MAGI1: variants seen among roughly 807,000 people sequenced by gnomAD.
MAGI1 encodes the protein membrane-associated guanylate kinase, WW and PDZ domain-containing protein 1.
A neutral mutation model predicts 139.9 loss-of-function variants in MAGI1; 58 were observed. That is an observed-to-expected ratio of 0.41 (90% confidence interval 0.34 to 0.52). The LOEUF is 0.52. Among genes scored for constraint, MAGI1 ranks in the 20% least tolerant of loss-of-function variants. MAGI1 has a pLI of 0.12. For synonymous variants in MAGI1, 812 were observed against 737.9 expected, an observed-to-expected ratio of 1.10 and a Z score of -1.63; for missense variants, 1,874 against 1,901.6, an observed-to-expected ratio of 0.99 and a Z score of 0.27.
chr3:65,664,586 A>G (rs1298991191), intron 1 of MAGI1, among the ~76,000 whole-genome samples: 1 of 152,172 alleles, frequency 6.6e-6, no homozygotes, highest in East Asian at 1.9e-4. Context: ...AAAATAGTCA[A>G]TCTTCACTAT....
chr3:65,688,004 T>C (rs2088211925), intron 1 of MAGI1: 1 of 828,626 alleles, frequency 1.2e-6, no homozygotes, highest in Non-Finnish European at 2.1e-6. Flanking sequence ...GGGTTTCGTT[T>C]TCCTGGCTTT....
intron 1 of MAGI1, among the ~76,000 whole-genome samples, chr3:65,729,257 A>C (rs2033952322): frequency 6.6e-6 from 1 of 151,826 alleles, no homozygotes; most frequent in Non-Finnish European, 1.5e-5. Context: ...CTATTACATT[A>C]TGTAAGCATA....
At chr3:65,400,407 A>C (rs1944766427) in intron 13 of MAGI1, among the ~76,000 whole-genome samples, 1 of 152,164 alleles carries the variant, frequency 6.6e-6, no homozygotes, top group Non-Finnish European at 1.5e-5. Context: ...AGGTGGAAAG[A>C]ATTCAGCTGC....
intron 1 of MAGI1, among the ~76,000 whole-genome samples, chr3:65,695,641 A>T (rs1441332980): frequency 1.3e-5 from 2 of 152,216 alleles, no homozygotes; most frequent in East Asian, 3.8e-4. Context: ...TGGGGGATGA[A>T]TGAATCTACA....
intron 1 of MAGI1, among the ~76,000 whole-genome samples, chr3:65,944,336 G>A (rs2063458145): frequency 6.6e-6 from 1 of 152,016 alleles, no homozygotes; most frequent in Admixed American, 6.6e-5. Flanking sequence ...AACATAGCGA[G>A]ACTCTATCTC....
intron 12 of MAGI1, among the ~76,000 whole-genome samples, chr3:65,418,427 A>C (rs6780789): frequency 0.38 from 58,362 of 152,012 alleles, 12,826 homozygotes; most frequent in African/African-American, 0.61. Flanking sequence ...GAAAGCCTCA[A>C]ATAAATAGAA....
intron 1 of MAGI1, among the ~76,000 whole-genome samples, chr3:66,036,070 C>A (rs1395142438): frequency 6.6e-6 from 1 of 152,180 alleles, no homozygotes; most frequent in African/African-American, 2.4e-5. Context: ...CCAAAATGGT[C>A]CTGAACTGAG....
intron 22 of MAGI1, chr3:65,359,576 C>T (rs1408472483): frequency 1.0e-6 from 1 of 999,200 alleles, no homozygotes; most frequent in African/African-American, 1.7e-5. Context: ...ACAAAAATAG[C>T]CTCACAGAGA....
chr3:65,810,137 T>C (rs1340455708), intron 1 of MAGI1, among the ~76,000 whole-genome samples: 17 of 152,240 alleles, frequency 1.1e-4, no homozygotes, highest in Admixed American at 1.1e-3. Context: ...GCTATCAAAA[T>C]CTTTACCTAT....
chr3:66,019,617 A>G (rs559602407), intron 1 of MAGI1, among the ~76,000 whole-genome samples: 2 of 152,334 alleles, frequency 1.3e-5, no homozygotes, highest in Admixed American at 1.3e-4. Context: ...AGTTGTTGCA[A>G]AAATAATAAT....
At chr3:65,580,935 A>G (rs536852611) in intron 2 of MAGI1, among the ~76,000 whole-genome samples, 2 of 152,224 alleles carry the variant, frequency 1.3e-5, no homozygotes, top group African/African-American at 2.4e-5. Context: ...TTCCCCTTCA[A>G]ATGGGCTCCA....
chr3:65,979,221 C>T (rs2065440871), intron 1 of MAGI1, among the ~76,000 whole-genome samples: 1 of 151,766 alleles, frequency 6.6e-6, no homozygotes, highest in African/African-American at 2.4e-5. Flanking sequence ...ATAACCTCAG[C>T]CTACAAGCCC....
chr3:65,380,139 C>T (rs955979650), intron 16 of MAGI1, among the ~76,000 whole-genome samples: 21 of 152,222 alleles, frequency 1.4e-4, no homozygotes, highest in African/African-American at 4.8e-4. Flanking sequence ...TCAACATCGA[C>T]TCTGATCACA....
At chr3:65,487,214 G>A (rs1951691226) in intron 3 of MAGI1, among the ~76,000 whole-genome samples, 1 of 152,118 alleles carries the variant, frequency 6.6e-6, no homozygotes, top group Admixed American at 6.5e-5. Flanking sequence ...TGATTCCACA[G>A]ACATCCACTC....
At chr3:65,839,370 T>C (rs1209468986) in intron 1 of MAGI1, among the ~76,000 whole-genome samples, 1 of 152,132 alleles carries the variant, frequency 6.6e-6, no homozygotes, top group Non-Finnish European at 1.5e-5. Flanking sequence ...TATTATATTA[T>C]ACTTTATATC....
chr3:65,430,908 G>C (rs375437909), intron 10 of MAGI1, 27 bp from the exon 11 acceptor site: 1 of 1,602,390 alleles, frequency 6.2e-7, no homozygotes, highest in Admixed American at 1.7e-5. Flanking sequence ...AACGCATAAG[G>C]AATGTCACCA....
intron 2 of MAGI1, among the ~76,000 whole-genome samples, chr3:65,586,202 C>T (rs537153222): frequency 1.3e-5 from 2 of 150,870 alleles, no homozygotes; most frequent in Non-Finnish European, 3.0e-5. Flanking sequence ...AGAAAGAGAC[C>T]CTGTCTAAAA....
intron 1 of MAGI1, among the ~76,000 whole-genome samples, chr3:65,984,334 G>A (rs1315476381): frequency 6.6e-6 from 1 of 151,954 alleles, no homozygotes; most frequent in Non-Finnish European, 1.5e-5. Flanking sequence ...GGAATCTGGT[G>A]GTTAGTAGAA....
At chr3:65,873,491 T>A (rs953287681) in intron 1 of MAGI1, 1 of 152,238 alleles carries the variant, frequency 6.6e-6, no homozygotes, top group East Asian at 1.9e-4. Context: ...CTTCTCCTTA[T>A]CTGAGCAAGG....
Sources: allele counts gnomAD v4.1 joint callset (sites outside exome capture counted in the v4.1 genomes callset), GRCh38; gene constraint gnomAD v4.1.1; transcripts MANE v1.5; gene names NCBI Gene and HGNC (gene_info 2026-07-23, HGNC 2026-07-21).